Variants in RIF1 observed in about 807,000 individuals in gnomAD.
The protein encoded by RIF1 is replication timing regulatory factor 1.
RIF1 carries 45 observed loss-of-function variants against 247.1 expected under a neutral mutation model. The observed-to-expected ratio is 0.18, with a 90% confidence interval of 0.14 to 0.23. The LOEUF is 0.23. RIF1 is among the 10% of genes least tolerant of loss of function. RIF1 has a pLI of 1.00. For missense variants in RIF1, 2,967 were observed against 2,862.5 expected, an observed-to-expected ratio of 1.04 and a Z score of -0.83; for synonymous variants, 1,087 against 978.8, an observed-to-expected ratio of 1.11 and a Z score of -2.06.
At chr2:151,410,162 T>C (rs916460927) in intron 1 of RIF1, 129 bp downstream of exon 1, 48 of 655,376 alleles carry the variant, frequency 7.3e-5, no homozygotes, top group Non-Finnish European at 1.2e-4. Flanking sequence ...CCTCCCTCTG[T>C]TGAAAGCTGC....
chr2:151,499,495 A>G lies in RIF1; in HGVS notation c.*664A>G, dbSNP rs3213814. 229 of 666,964 alleles carry G rather than the reference A, an allele frequency of 3.4e-4. 2 individuals are homozygous for G. The East Asian group carries it at 6.6e-3, about 19-fold the overall frequency. The allele number at this position is 666,964 out of a possible 1,614,324, so 41.3% of individuals were successfully genotyped here. A position where few individuals can be genotyped will look rare whatever the true frequency, so the allele number is the denominator to read the frequency against. On this transcript the variant is annotated 3_prime_UTR_variant and NMD_transcript_variant, in exon 11 of 14. Coordinates refer to the RIF1 transcript ENST00000454583. Reference sequence around the variant, plus strand: ...ATAAAACTACAGACGTCAGACAGAAAAGACAGATTCAACAAGTCAACCTCT... The same window carrying G: ...ATAAAACTACAGACGTCAGACAGAAGAGACAGATTCAACAAGTCAACCTCT...
Position 151,432,790 on chromosome 2 carries a change from C to T in RIF1, c.926-287C>T, listed in dbSNP as rs569059610. 3.3e-5 allele frequency among the ~76,000 whole-genome samples: 5 copies of T among 152,250 alleles called. No individual in the cohort carries two copies. In the South Asian group the frequency reaches 1.0e-3, roughly 32 times the overall value. Reference sequence around the variant, plus strand: ...ATAGCATCCCCTCATTTGTAACCAACCTGAAGTATTCCCTGGTGGGAAATT... The same window carrying T: ...ATAGCATCCCCTCATTTGTAACCAATCTGAAGTATTCCCTGGTGGGAAATT... On this transcript the variant is annotated intron_variant, in intron 9 of 35. Transcript: ENST00000444746.
chr2:151,496,155 G>A, intron 10 of RIF1: 1 of 1,159,722 alleles, frequency 8.6e-7, no homozygotes, highest in South Asian at 1.4e-5. Flanking sequence ...GGGTAAATTT[G>A]CTAAAGAAAT....
chr2:151,433,054 CTG>C, intron 9 of RIF1, 21 bp from the exon 10 acceptor site: 2 of 1,593,308 alleles, frequency 1.3e-6, no homozygotes, highest in Non-Finnish European at 1.7e-6. Context: ...GTCTCTTTAA[CTG>C]TGTGCTTATT....
intron 22 of RIF1, 89 bp downstream of exon 22, chr2:151,455,248 A>G (rs867286474): frequency 5.3e-6 from 5 of 945,278 alleles, no homozygotes; most frequent in African/African-American, 3.3e-5. Flanking sequence ...GCTGTGTTGT[A>G]GATGGTAGTC....
Position 151,496,308 on chromosome 2 carries a change from G to C in RIF1, c.*513+982G>C, listed in dbSNP as rs763364977. The C allele has an allele frequency of 6.2e-7, 1 of 1,611,362 alleles. No homozygotes were observed. Among genetic ancestry groups the C allele is most frequent in the African/African-American group, 1.3e-5 (1 of 74,880 alleles). ...ATATTTTCTTGATTGTGTTTGACTC[G>C]CTCCATCTCGGGAGTGACAGCTAAA... On this transcript the variant is annotated intron_variant and NMD_transcript_variant, in intron 10 of 13. Coordinates refer to the RIF1 transcript ENST00000454583.
downstream of RIF1, among the ~76,000 whole-genome samples, chr2:151,484,818 A>C (rs933046362): frequency 6.6e-6 from 1 of 152,136 alleles, no homozygotes; most frequent in Middle Eastern, 3.2e-3. Context: ...AAGGGCATCA[A>C]CTGTCTCTTG....
At chr2:151,503,227 T>C (rs1314715084) in intron 12 of RIF1, 2 of 737,888 alleles carry the variant, frequency 2.7e-6, no homozygotes, top group Non-Finnish European at 4.6e-6. Context: ...CAGGTAATAA[T>C]ACACAACACA....
Position 151,464,824 on chromosome 2 carries a change from A to G in RIF1, c.5304A>G (p.Gln1768=), listed in dbSNP as rs1292794327. The change falls in exon 30 of 36, where the codon CAA becomes CAG. Residue 1768 remains glutamine (Q), a synonymous_variant. Transcript: ENST00000444746. ...GTGAAACAAAAAAGGCAGATGTGCA[A>G]GCACCTGTAAGCCCATCAGAAACTT... ...EISETKKADV[Q]APVSPSETSQ... The G allele has an allele frequency of 4.3e-6, 7 of 1,613,080 alleles. No homozygotes were observed. The highest frequency in any genetic ancestry group is 5.9e-6 in the Non-Finnish European group (7 of 1,179,788).
intron 7 of RIF1, among the ~76,000 whole-genome samples, chr2:151,422,624 C>T (rs371132138): frequency 1.3e-5 from 2 of 151,858 alleles, no homozygotes; most frequent in African/African-American, 2.4e-5. Flanking sequence ...CTCAGCCTCC[C>T]GAGTAGCAGG....
At chr2:151,424,375 T>C (rs1451933146) in intron 8 of RIF1, among the ~76,000 whole-genome samples, 6 of 152,226 alleles carry the variant, frequency 3.9e-5, no homozygotes, top group Admixed American at 2.0e-4. Context: ...GTGGTGGGAT[T>C]ATAGGCGTGA....
At chr2:151,466,224 C>T in intron 30 of RIF1, 104 bp downstream of exon 30, 3 of 667,866 alleles carry the variant, frequency 4.5e-6, no homozygotes, top group Admixed American at 5.2e-5. Flanking sequence ...ATTATATGGC[C>T]ACTCATTTGA....
chr2:151,426,783 A>T (rs1166859312), intron 8 of RIF1, among the ~76,000 whole-genome samples: 1 of 150,824 alleles, frequency 6.6e-6, no homozygotes, highest in Non-Finnish European at 1.5e-5. Context: ...AGTAGCTGGG[A>T]TTATAGGTGC....
At chr2:151,461,342 C>A in intron 27 of RIF1, 53 bp downstream of exon 27, 2 of 1,508,192 alleles carry the variant, frequency 1.3e-6, no homozygotes, top group Non-Finnish European at 1.8e-6. Flanking sequence ...GCTTAGATTT[C>A]ATGCAAGAAA....
chr2:151,424,403 C>T (rs1688658463), intron 8 of RIF1, among the ~76,000 whole-genome samples: 1 of 152,118 alleles, frequency 6.6e-6, no homozygotes, highest in African/African-American at 2.4e-5. Context: ...TGCCTGGAAG[C>T]ATAAAGTTTT....
At chr2:151,421,047 A>C (rs973230729) in intron 7 of RIF1, among the ~76,000 whole-genome samples, 1 of 152,216 alleles carries the variant, frequency 6.6e-6, no homozygotes, top group African/African-American at 2.4e-5. Context: ...CCTAGTCTCT[A>C]TAGTTTTCTA....
intron 34 of RIF1, among the ~76,000 whole-genome samples, chr2:151,472,562 TGA>T (rs1334831507): frequency 6.6e-6 from 1 of 152,222 alleles, no homozygotes; most frequent in African/African-American, 2.4e-5. Context: ...CCTAGTTTAT[TGA>T]GAGTTTTTAG....
chr2:151,451,526 A>G (rs1574066300), intron 20 of RIF1, 80 bp from the exon 21 acceptor site: 2 of 750,844 alleles, frequency 2.7e-6, no homozygotes, highest in South Asian at 1.4e-5. Flanking sequence ...TAACAGTCTT[A>G]TATTTTTTCA....
chr2:151,415,776 C>G (rs1215503185), intron 4 of RIF1, among the ~76,000 whole-genome samples: 1 of 151,944 alleles, frequency 6.6e-6, no homozygotes, highest in Non-Finnish European at 1.5e-5. Context: ...ACTCGGGAGG[C>G]TGAGGCAGGA....
Sources: gnomAD v4.1 joint callset for allele counts (sites outside exome capture counted in the v4.1 genomes callset) on GRCh38, gnomAD v4.1.1 for gene constraint, MANE v1.5 for transcripts, NCBI Gene and HGNC (gene_info 2026-07-23, HGNC 2026-07-21) for gene names.